The following SVIL variants were observed in gnomAD, a reference collection of about 807,000 sequenced individuals.
The protein encoded by SVIL is archvillin.
In SVIL, 101 loss-of-function variants were observed where a neutral mutation model predicts 240.4. The ratio of observed to expected loss-of-function variants is 0.42; its 90% CI spans 0.36 to 0.50. The LOEUF is 0.50. Ranked by LOEUF, SVIL falls within the 20% of genes least tolerant of loss-of-function variation. SVIL has a pLI of 0.01. For missense variants in SVIL, 2,512 were observed against 2,818.7 expected (o/e 0.89, Z 2.46); for synonymous variants, 999 against 1,100.0 (o/e 0.91, Z 1.82).
chr10:29,486,470 TATTA>T lies in SVIL; in HGVS notation c.4569_4572del (p.Asn1524HisfsTer35), dbSNP rs1463073651. 1 of 1,614,092 alleles carries T rather than the reference TATTA, an allele frequency of 6.2e-7. No individual in the cohort carries two copies. The highest frequency in any genetic ancestry group is 8.5e-7 in the Non-Finnish European group (1 of 1,180,040). Reference sequence around the variant, plus strand: ...AAGTCTTTGGCTGCATGAGTGTGTGTATTAATTCCTTCTTCAATGGTTTGGATAT... The same window carrying T: ...AAGTCTTTGGCTGCATGAGTGTGTGTATTCCTTCTTCAATGGTTTGGATAT... On this transcript the variant is annotated frameshift_variant, in exon 25 of 38. Transcript: ENST00000355867. LOFTEE classifies it high-confidence loss of function.
At chr10:29,686,604 C>T (rs917348687) in exon 2 of SVIL, 1 of 152,184 alleles carries the variant, frequency 6.6e-6, no homozygotes, top group East Asian at 1.9e-4. Flanking sequence ...TCTTCATGGG[C>T]TTCTCCTTCA....
intron 1 of SVIL, among the ~76,000 whole-genome samples, chr10:29,727,542 A>C (rs945785676): frequency 1.3e-5 from 2 of 152,196 alleles, no homozygotes; most frequent in African/African-American, 2.4e-5. Context: ...GTCAAACTGT[A>C]AACACGCAAC....
intron 1 of SVIL, among the ~76,000 whole-genome samples, chr10:29,599,203 G>A (rs911287893): frequency 2.0e-5 from 3 of 152,106 alleles, no homozygotes; most frequent in Non-Finnish European, 4.4e-5. Context: ...CACGAGTCTG[G>A]GCAAGTAAGA....
chr10:29,532,732 G>A lies in SVIL; in HGVS notation c.1635C>T (p.Thr545=). 6.2e-7 allele frequency: 1 copy of A among 1,614,160 alleles called. No homozygotes were observed. The highest frequency in any genetic ancestry group is 8.5e-7 in the Non-Finnish European group (1 of 1,180,026). The change falls in exon 8 of 38, where the codon ACC becomes ACT. Residue 545 remains threonine, a synonymous_variant. Transcript: ENST00000355867. ...REASKKRKVR[T]RSLSDFTGPP... ...GGCCTGTGAAATCTGACAGAGAGCG[G>A]GTACGGACCTTGCGCTTTTTCGAGG...
rs950575331 is a variant in SVIL at position 29,606,849 on chromosome 10, T to C, written c.-201+27571A>G. Among the ~76,000 whole-genome samples the C allele has an allele frequency of 2.0e-5, 3 of 152,032 alleles. No homozygotes were observed. The South Asian group carries it at 6.2e-4, about 32-fold the overall frequency. ...AGCTCATGGCAACCTCTGCCTCCTG[T>C]GTTCAAGCAGTTCTCCTGCCTCAGC... On this transcript the variant is annotated intron_variant, in intron 1 of 37. Transcript: ENST00000355867.
intron 2 of SVIL, among the ~76,000 whole-genome samples, chr10:29,679,899 C>T (rs1305675278): frequency 6.6e-6 from 1 of 151,666 alleles, no homozygotes; most frequent in Non-Finnish European, 1.5e-5. Context: ...AAAAAAAGTC[C>T]AGGTCAGGCT....
chr10:29,649,653 T>C (rs571130913), intron 3 of SVIL, among the ~76,000 whole-genome samples: 1 of 152,258 alleles, frequency 6.6e-6, no homozygotes, highest in Admixed American at 6.5e-5. Context: ...TACCAAAATA[T>C]GCAAGTGCAT....
intron 17 of SVIL, among the ~76,000 whole-genome samples, chr10:29,501,607 TC>T (rs1312634126): frequency 6.6e-6 from 1 of 152,208 alleles, no homozygotes; most frequent in Non-Finnish European, 1.5e-5. Context: ...TAAAATTTTT[TC>T]CTAAAAACCT....
Position 29,550,633 on chromosome 10 carries a change from A to C in SVIL, c.791T>G (p.Phe264Cys). 1 of 1,613,352 alleles carries C rather than the reference A, an allele frequency of 6.2e-7. No homozygotes were observed. The highest frequency in any genetic ancestry group is 8.5e-7 in the Non-Finnish European group (1 of 1,179,676). The change falls in exon 6 of 38, where the codon TTT becomes TGT. Residue 264 changes from phenylalanine (F) to cysteine (C), a missense_variant. Phe to Cys is a radical substitution (Grantham distance 205). Transcript: ENST00000355867. ...LQQAASRSPS[F>C]GDPQLSPEAR... ...CTCAGGGGATAGCTGTGGGTCACCA[A>C]AGGAGGGGCTCCGGGAGGCTGCCTG...
At chr10:29,649,038 T>C (rs905350864) in intron 3 of SVIL, among the ~76,000 whole-genome samples, 1 of 152,074 alleles carries the variant, frequency 6.6e-6, no homozygotes, top group Admixed American at 6.6e-5. Context: ...CTCACACCCA[T>C]GGTCCCAGCT....
intron 25 of SVIL, 75 bp downstream of exon 25, chr10:29,486,335 A>C: frequency 1.0e-5 from 16 of 1,596,998 alleles, no homozygotes; most frequent in African/African-American, 1.4e-5. Flanking sequence ...TTACAATGTA[A>C]AATAGAAGAA....
chr10:29,530,577 T>TCTCTA, intron 11 of SVIL, 30 bp downstream of exon 11: 2 of 1,613,600 alleles, frequency 1.2e-6, no homozygotes, highest in South Asian at 2.2e-5. Context: ...CCAGTAGGGA[T>TCTCTA]CTCTATTCAA....
chr10:29,540,394 G>C (rs1333326253), intron 6 of SVIL, among the ~76,000 whole-genome samples: 1 of 152,186 alleles, frequency 6.6e-6, no homozygotes, highest in Non-Finnish European at 1.5e-5. Context: ...GGTCTCAGAT[G>C]CTCATGGAAT....
intron 3 of SVIL, among the ~76,000 whole-genome samples, chr10:29,647,981 A>AC (rs1025067349): frequency 2.0e-5 from 3 of 151,490 alleles, no homozygotes; most frequent in Non-Finnish European, 2.9e-5. Flanking sequence ...CAAAAAAAAA[A>AC]AAAACAAAAA....
intron 1 of SVIL, among the ~76,000 whole-genome samples, chr10:29,633,236 C>CAAAAAA (rs5784146): frequency 1.4e-5 from 1 of 71,076 alleles, no homozygotes; most frequent in Non-Finnish European, 2.7e-5. Context: ...GACTCCATCT[C>CAAAAAA]AAAAAAAAAA....
intron 1 of SVIL, among the ~76,000 whole-genome samples, chr10:29,707,130 T>C (rs144604128): frequency 1.2e-3 from 184 of 152,350 alleles, no homozygotes; most frequent in African/African-American, 4.3e-3. Context: ...GGCTCTTTTT[T>C]GGTTCCATGT....
intron 1 of SVIL, among the ~76,000 whole-genome samples, chr10:29,631,699 C>T (rs1359351474): frequency 3.3e-5 from 5 of 152,108 alleles, no homozygotes; most frequent in African/African-American, 4.8e-5. Flanking sequence ...CCCTTGAACC[C>T]GGGAGGCAGG....
At chr10:29,470,140 C>G in intron 32 of SVIL, 136 bp downstream of exon 32, 1 of 990,936 alleles carries the variant, frequency 1.0e-6, no homozygotes, top group Non-Finnish European at 1.5e-6. Flanking sequence ...GGCCCCTGAC[C>G]ACGTTCCCAG....
At chr10:29,586,924 G>GA (rs1956192105) in intron 1 of SVIL, among the ~76,000 whole-genome samples, 1 of 152,108 alleles carries the variant, frequency 6.6e-6, no homozygotes, top group Non-Finnish European at 1.5e-5. Flanking sequence ...AGAAGATTAT[G>GA]AAAAATAACT....
Sources: gnomAD v4.1 joint callset for allele counts (sites outside exome capture counted in the v4.1 genomes callset) on GRCh38, gnomAD v4.1.1 for gene constraint, MANE v1.5 for transcripts, NCBI Gene and HGNC (gene_info 2026-07-23, HGNC 2026-07-21) for gene names.